The following PIK3C2G variants were observed in gnomAD, a reference collection of about 807,000 sequenced individuals.
The protein encoded by PIK3C2G is phosphatidylinositol 3-kinase C2 domain-containing subunit gamma.
In PIK3C2G, 168 loss-of-function variants were observed where a neutral mutation model predicts 181.1. The ratio of observed to expected loss-of-function variants is 0.93; its 90% CI spans 0.82 to 1.05. The LOEUF is 1.05. PIK3C2G is among the 50% of genes least tolerant of loss of function. The probability of loss-of-function intolerance (pLI) is 0.00; values close to 1 mark genes in which losing one functional copy is unlikely to be tolerated. For missense variants in PIK3C2G, 1,869 were observed against 1,732.8 expected (o/e 1.08, Z -1.40); for synonymous variants, 573 against 592.2 (o/e 0.97, Z 0.47).
Position 18,602,041 on chromosome 12 carries a change from A to G in PIK3C2G, c.4087+7472A>G, listed in dbSNP as rs1023000774. On this transcript the variant is annotated intron_variant, in intron 30 of 32. Transcript: ENST00000538779. ...GAATGGGGCTAGAAGCCTCCTGGCC[A>G]GAACTCAGGGGAGGGCACGAATCCG... Among the ~76,000 whole-genome samples, 41 of 152,190 alleles carry G rather than the reference A, an allele frequency of 2.7e-4. 1 individual carries two copies. The highest frequency in any genetic ancestry group is 9.4e-4 in the African/African-American group (39 of 41,430).
At chr12:18,518,329 C>T (rs1942684461) in intron 24 of PIK3C2G, among the ~76,000 whole-genome samples, 3 of 152,094 alleles carry the variant, frequency 2.0e-5, no homozygotes, top group Non-Finnish European at 4.4e-5. Flanking sequence ...CCTCTTTGTA[C>T]CACTGTAGAA....
chr12:18,255,606 T>A (rs1360897305), intron 1 of PIK3C2G, among the ~76,000 whole-genome samples: 1 of 152,330 alleles, frequency 6.6e-6, no homozygotes, highest in Non-Finnish European at 1.5e-5. Flanking sequence ...AGCGCACAGA[T>A]AATTCTTTTA....
At chr12:18,648,744 T>C (rs968654018), downstream of PIK3C2G, among the ~76,000 whole-genome samples, 2 of 152,036 alleles carry the variant, frequency 1.3e-5, no homozygotes, top group Non-Finnish European at 2.9e-5. Context: ...TCTGTGCACA[T>C]TATTTTCCTG....
intron 22 of PIK3C2G, among the ~76,000 whole-genome samples, chr12:18,498,050 A>C (rs547741152): frequency 5.3e-5 from 8 of 152,088 alleles, no homozygotes; most frequent in African/African-American, 1.9e-4. Flanking sequence ...TATTTTTCTC[A>C]TTTTCTTATA....
At chr12:18,425,032 A>T in intron 18 of PIK3C2G, 1 of 176,538 alleles carries the variant, frequency 5.7e-6, no homozygotes, top group Non-Finnish European at 1.2e-5. Flanking sequence ...AATGATAATG[A>T]TGATGCTGAT....
intron 22 of PIK3C2G, among the ~76,000 whole-genome samples, chr12:18,501,966 T>A (rs10841029): frequency 0.16 from 24,040 of 152,094 alleles, 2,377 homozygotes; most frequent in South Asian, 0.37. Flanking sequence ...ATAGAGGAAC[T>A]GAAAAAATGA....
intron 18 of PIK3C2G, among the ~76,000 whole-genome samples, chr12:18,470,772 G>T (rs532217232): frequency 6.6e-6 from 1 of 152,204 alleles, no homozygotes; most frequent in Admixed American, 6.6e-5. Context: ...CCATGTTCAT[G>T]TCAGTGGTTC....
chr12:18,411,594 C>T (rs1944871307), intron 16 of PIK3C2G, among the ~76,000 whole-genome samples: 1 of 152,124 alleles, frequency 6.6e-6, no homozygotes, highest in Admixed American at 6.6e-5. Flanking sequence ...CATTTTTCTT[C>T]CAAGCTGATG....
rs907142477 is a variant in PIK3C2G, at chr12:18,538,313, G to C, written c.3480+1G>C. 7 of 1,593,766 alleles carry C rather than the reference G, an allele frequency of 4.4e-6. No individual in the cohort carries two copies. The highest frequency in any genetic ancestry group is 6.0e-6 in the Non-Finnish European group (7 of 1,172,708). On this transcript the variant is annotated splice_donor_variant, in intron 25 of 32. Transcript: ENST00000538779. LOFTEE classifies it high-confidence loss of function. The stretch of plus-strand genomic sequence containing the variant: ...ACTGCTCTTGAACCTGCTGGAAATG[G>C]TAAGTCCCTTGGGAAAAAAAAACAA...
At chr12:18,545,929 T>C (rs1323537349) in intron 25 of PIK3C2G, among the ~76,000 whole-genome samples, 1 of 151,946 alleles carries the variant, frequency 6.6e-6, no homozygotes, top group East Asian at 1.9e-4. Flanking sequence ...TTATTTTATA[T>C]CTATTTTAAA....
chr12:18,545,170 T>C (rs1485409250), intron 25 of PIK3C2G, among the ~76,000 whole-genome samples: 1 of 151,884 alleles, frequency 6.6e-6, no homozygotes, highest in African/African-American at 2.4e-5. Context: ...CTCACCCATG[T>C]AATACTCGGT....
At chr12:18,590,106 T>C (rs950051317) in intron 29 of PIK3C2G, among the ~76,000 whole-genome samples, 2 of 148,354 alleles carry the variant, frequency 1.3e-5, no homozygotes, top group African/African-American at 2.5e-5. Context: ...TATACAGTAG[T>C]TAAATTCAGA....
At chr12:18,701,914 C>T in the PIK3C2G span, 4 of 1,251,460 alleles carry the variant, frequency 3.2e-6, no homozygotes, top group African/African-American at 1.5e-5. Context: ...TTTCCCATAC[C>T]CCTATTCACA....
chr12:18,306,668 T>C (rs1011216274), intron 5 of PIK3C2G, among the ~76,000 whole-genome samples: 35 of 152,072 alleles, frequency 2.3e-4, no homozygotes, highest in African/African-American at 8.0e-4. Flanking sequence ...CACATACACA[T>C]AACTAGCTGA....
chr12:18,599,077 GA>G (rs1178238031), intron 30 of PIK3C2G, among the ~76,000 whole-genome samples: 1 of 152,082 alleles, frequency 6.6e-6, no homozygotes, highest in East Asian at 1.9e-4. Flanking sequence ...AACCACTGTG[GA>G]AGTCAGTGTG....
At chr12:18,311,767 T>C (rs1007799769) in intron 5 of PIK3C2G, among the ~76,000 whole-genome samples, 3 of 151,862 alleles carry the variant, frequency 2.0e-5, no homozygotes, top group Non-Finnish European at 4.4e-5. Context: ...CAGATGTGTA[T>C]ATATAAAGGG....
chr12:18,391,418 A>G (rs1943525831), intron 15 of PIK3C2G, among the ~76,000 whole-genome samples, 166 bp downstream of exon 15: 1 of 152,198 alleles, frequency 6.6e-6, no homozygotes, highest in Non-Finnish European at 1.5e-5. Flanking sequence ...TAGGACGTAA[A>G]TAAGTAATTT....
the PIK3C2G span, among the ~76,000 whole-genome samples, chr12:18,674,025 T>C: frequency 6.6e-6 from 1 of 152,180 alleles, no homozygotes; most frequent in Non-Finnish European, 1.5e-5. Context: ...AGGCAGTGGA[T>C]TACACAAAGC....
intron 4 of PIK3C2G, among the ~76,000 whole-genome samples, chr12:18,292,226 AAATATATATATATAT>A (rs1949733358): frequency 1.0e-5 from 1 of 96,406 alleles, no homozygotes; most frequent in Non-Finnish European, 2.0e-5. Context: ...AAAAAAAAAA[AAATATATATATATAT>A]ATATATATAT....
Sources: allele counts gnomAD v4.1 joint callset (sites outside exome capture counted in the v4.1 genomes callset), GRCh38; gene constraint gnomAD v4.1.1; transcripts MANE v1.5; gene names NCBI Gene and HGNC (gene_info 2026-07-23, HGNC 2026-07-21).